Variants in ARHGAP15 observed in about 807,000 individuals in gnomAD.
ARHGAP15 encodes rho GTPase-activating protein 15.
ARHGAP15 carries 51 observed loss-of-function variants against 63.7 expected under a neutral mutation model. The observed-to-expected ratio is 0.80, with a 90% confidence interval of 0.64 to 1.01. The LOEUF (loss-of-function observed/expected upper bound fraction) is 1.01, where lower values mean the gene tolerates loss of function less well. Ranked by LOEUF, ARHGAP15 falls within the 50% of genes least tolerant of loss-of-function variation. The probability of loss-of-function intolerance (pLI) is 0.00; values close to 1 mark genes in which losing one functional copy is unlikely to be tolerated. For missense variants in ARHGAP15, 560 were observed against 564.6 expected, an observed-to-expected ratio of 0.99 and a Z score of 0.08; for synonymous variants, 191 against 193.8, an observed-to-expected ratio of 0.99 and a Z score of 0.12.
intron 10 of ARHGAP15, among the ~76,000 whole-genome samples, chr2:143,554,338 A>G (rs890900989): frequency 1.1e-4 from 17 of 152,244 alleles, no homozygotes; most frequent in African/African-American, 4.1e-4. Flanking sequence ...AGGTGACTTT[A>G]TTCACCACTC....
At chr2:143,435,764 A>G (rs1005047831) in intron 7 of ARHGAP15, 65 bp downstream of exon 7, 4 of 1,481,984 alleles carry the variant, frequency 2.7e-6, no homozygotes, top group Non-Finnish European at 2.8e-6. Flanking sequence ...CTTATTGCTC[A>G]GGCATATAAC....
At chr2:143,719,206 A>T (rs1394226852) in intron 13 of ARHGAP15, among the ~76,000 whole-genome samples, 1 of 152,192 alleles carries the variant, frequency 6.6e-6, no homozygotes, top group Non-Finnish European at 1.5e-5. Flanking sequence ...AGTCTTCCCT[A>T]TATCAATTTT....
At chr2:143,432,438 G>A (rs565440328) in intron 6 of ARHGAP15, among the ~76,000 whole-genome samples, 1 of 151,974 alleles carries the variant, frequency 6.6e-6, no homozygotes, top group Non-Finnish European at 1.5e-5. Flanking sequence ...GCATAGTAAA[G>A]CTCCATTTAA....
chr2:143,492,403 A>G (rs1692623292), intron 9 of ARHGAP15, among the ~76,000 whole-genome samples: 1 of 152,162 alleles, frequency 6.6e-6, no homozygotes, highest in Non-Finnish European at 1.5e-5. Context: ...ATGTCATACA[A>G]ACTTATTTTA....
chr2:143,352,147 C>A (rs1330981101), intron 6 of ARHGAP15, among the ~76,000 whole-genome samples: 2 of 152,030 alleles, frequency 1.3e-5, no homozygotes, highest in Admixed American at 1.3e-4. Context: ...GCCCCTCTGC[C>A]CCCCATTGCT....
At position 143,155,659 on chromosome 2, in the gene ARHGAP15, A is replaced by G; in HGVS notation, c.165+4A>G. On this transcript the variant is annotated splice_donor_region_variant and intron_variant, in intron 2 of 13. Transcript: ENST00000295095. ...TGTCGGGAAGGTCACTGAACCTGTA[A>G]GTCAAATACCCCAAATATCCCAAGT... The G allele has an allele frequency of 6.5e-7, 1 of 1,549,376 alleles. No homozygotes were observed. The highest frequency in any genetic ancestry group is 1.2e-5 in the South Asian group (1 of 80,282).
At chr2:143,642,033 C>T (rs1323350097) in intron 12 of ARHGAP15, among the ~76,000 whole-genome samples, 1 of 151,828 alleles carries the variant, frequency 6.6e-6, no homozygotes, top group Non-Finnish European at 1.5e-5. Context: ...ATATAGAAAG[C>T]ATTATTTCAC....
At chr2:143,658,497 G>A (rs1559107883) in intron 12 of ARHGAP15, among the ~76,000 whole-genome samples, 1 of 152,144 alleles carries the variant, frequency 6.6e-6, no homozygotes. Flanking sequence ...GGGTTTAGCT[G>A]TAATTGACAG....
intron 6 of ARHGAP15, among the ~76,000 whole-genome samples, chr2:143,295,103 G>T (rs1682580102): frequency 6.6e-6 from 1 of 152,002 alleles, no homozygotes; most frequent in African/African-American, 2.4e-5. Flanking sequence ...AAGCCATATG[G>T]TAAGCATCCA....
intron 11 of ARHGAP15, among the ~76,000 whole-genome samples, chr2:143,609,877 A>G (rs1307237773): frequency 6.6e-6 from 1 of 152,188 alleles, no homozygotes; most frequent in Non-Finnish European, 1.5e-5. Context: ...GCCATGAGCA[A>G]TAAATGCTCG....
chr2:143,731,538 T>C (rs1685537928), intron 13 of ARHGAP15, among the ~76,000 whole-genome samples: 1 of 152,206 alleles, frequency 6.6e-6, no homozygotes, highest in Non-Finnish European at 1.5e-5. Context: ...GTGCGCTCTC[T>C]GCCTATCCCA....
At chr2:143,486,695 C>G (rs1423854702) in intron 8 of ARHGAP15, among the ~76,000 whole-genome samples, 7 of 152,156 alleles carry the variant, frequency 4.6e-5, no homozygotes, top group Non-Finnish European at 8.8e-5. Context: ...GATTAGTAGA[C>G]ATTCAGCAAA....
At chr2:143,436,737 C>A (rs1273567602) in intron 7 of ARHGAP15, among the ~76,000 whole-genome samples, 176 bp from the exon 8 acceptor site, 2 of 152,088 alleles carry the variant, frequency 1.3e-5, no homozygotes, top group African/African-American at 4.8e-5. Context: ...TTAGTAAGTA[C>A]CATCATATAC....
chr2:143,544,719 G>C (rs1464528407), intron 10 of ARHGAP15, among the ~76,000 whole-genome samples: 1 of 152,142 alleles, frequency 6.6e-6, no homozygotes, highest in African/African-American at 2.4e-5. Flanking sequence ...AAATTGCCTG[G>C]AGAGTTGGAA....
intron 6 of ARHGAP15, among the ~76,000 whole-genome samples, chr2:143,324,963 A>G (rs2105236107): frequency 6.6e-6 from 1 of 152,182 alleles, no homozygotes; most frequent in Non-Finnish European, 1.5e-5. Context: ...TCAAAATTAG[A>G]TTCATTCTCT....
At chr2:143,690,167 C>T (rs886262907) in intron 12 of ARHGAP15, among the ~76,000 whole-genome samples, 1 of 152,192 alleles carries the variant, frequency 6.6e-6, no homozygotes, top group African/African-American at 2.4e-5. Context: ...AGCTCATGCA[C>T]CACTGGCACT....
intron 6 of ARHGAP15, among the ~76,000 whole-genome samples, chr2:143,286,862 A>G (rs1263523895): frequency 6.6e-6 from 1 of 152,198 alleles, no homozygotes; most frequent in African/African-American, 2.4e-5. Flanking sequence ...CCTAGGTGAT[A>G]TGATGGAACC....
intron 6 of ARHGAP15, among the ~76,000 whole-genome samples, chr2:143,379,103 C>T (rs1004219725): frequency 6.6e-6 from 1 of 151,912 alleles, no homozygotes; most frequent in African/African-American, 2.4e-5. Context: ...CAAATTTCCA[C>T]ATATGCACTC....
chr2:143,194,735 T>C (rs17205833), intron 2 of ARHGAP15, among the ~76,000 whole-genome samples: 22,167 of 151,968 alleles, frequency 0.15, 1,695 homozygotes, highest in Middle Eastern at 0.24. Flanking sequence ...AGCGAAAATA[T>C]ACAAAAAACA....
Sources: gnomAD v4.1 joint callset for allele counts (sites outside exome capture counted in the v4.1 genomes callset) on GRCh38, gnomAD v4.1.1 for gene constraint, MANE v1.5 for transcripts, NCBI Gene and HGNC (gene_info 2026-07-23, HGNC 2026-07-21) for gene names.